The following LMLN variants were observed in gnomAD, a reference collection of about 807,000 sequenced individuals.
The protein encoded by LMLN is leishmanolysin-like peptidase.
In LMLN, 70 loss-of-function variants were observed where a neutral mutation model predicts 92.3. The ratio of observed to expected loss-of-function variants is 0.76; its 90% confidence interval spans 0.63 to 0.92. The LOEUF (loss-of-function observed/expected upper bound fraction) is 0.92, where lower values mean the gene tolerates loss of function less well. Ranked by LOEUF, LMLN falls within the 40% of genes least tolerant of loss-of-function variation. The pLI is 0.00. For missense variants in LMLN, 691 were observed against 814.6 expected (o/e 0.85, Z 1.85); for synonymous variants, 308 against 296.2 (o/e 1.04, Z -0.41).
At chr3:197,977,987 TACAC>T (rs1404396110) in intron 5 of LMLN, among the ~76,000 whole-genome samples, 8 of 149,084 alleles carry the variant, frequency 5.4e-5, no homozygotes, top group African/African-American at 1.5e-4. Flanking sequence ...AATCTGGAAG[TACAC>T]ACACGTTAAA....
intron 14 of LMLN, among the ~76,000 whole-genome samples, chr3:198,029,292 C>T (rs181694244): frequency 2.6e-5 from 4 of 152,310 alleles, no homozygotes; most frequent in Admixed American, 2.6e-4. Flanking sequence ...ATCTTACTTC[C>T]ATGACCACGT....
exon 16 of LMLN, chr3:198,041,812 A>G (rs933132148): frequency 6.6e-6 from 1 of 152,200 alleles, no homozygotes; most frequent in Non-Finnish European, 1.5e-5. Flanking sequence ...CATATATTTG[A>G]GAGTCACAGT....
chr3:198,022,453 C>T (rs977444298), intron 13 of LMLN, among the ~76,000 whole-genome samples: 1 of 152,222 alleles, frequency 6.6e-6, no homozygotes, highest in Non-Finnish European at 1.5e-5. Flanking sequence ...TACTTTATTA[C>T]AGACTAAGGC....
At chr3:197,988,194 G>C (rs1016071007) in intron 8 of LMLN, among the ~76,000 whole-genome samples, 1 of 150,820 alleles carries the variant, frequency 6.6e-6, no homozygotes. Context: ...ATATTGCCCA[G>C]GTGGGTCTCG....
chr3:197,998,379 C>G (rs150381630), intron 10 of LMLN, among the ~76,000 whole-genome samples: 1 of 152,084 alleles, frequency 6.6e-6, no homozygotes, highest in Admixed American at 6.6e-5. Context: ...TGGAAACTTA[C>G]GGAAGGGACG....
At chr3:197,968,925 T>C (rs1025196759) in intron 1 of LMLN, among the ~76,000 whole-genome samples, 3 of 152,250 alleles carry the variant, frequency 2.0e-5, no homozygotes, top group Non-Finnish European at 4.4e-5. Flanking sequence ...CAGTGTTTTA[T>C]TAAGTTATGT....
At chr3:197,987,456 G>T (rs1721746197) in intron 8 of LMLN, among the ~76,000 whole-genome samples, 1 of 152,140 alleles carries the variant, frequency 6.6e-6, no homozygotes, top group South Asian at 2.1e-4. Flanking sequence ...ACCGCGCCCG[G>T]CCAAAATTTT....
intron 1 of LMLN, among the ~76,000 whole-genome samples, chr3:197,970,132 A>G (rs1721183216): frequency 6.6e-6 from 1 of 152,156 alleles, no homozygotes; most frequent in Non-Finnish European, 1.5e-5. Flanking sequence ...AGCCTGGGCA[A>G]TAGAGAGAGA....
At chr3:198,026,384 T>C (rs1722932701) in intron 14 of LMLN, among the ~76,000 whole-genome samples, 2 of 152,192 alleles carry the variant, frequency 1.3e-5, no homozygotes, top group South Asian at 4.1e-4. Context: ...AGTGGTGCGA[T>C]CTCAGCTCTC....
intron 14 of LMLN, among the ~76,000 whole-genome samples, chr3:198,033,229 G>A (rs1018577087): frequency 5.9e-5 from 9 of 151,960 alleles, no homozygotes; most frequent in African/African-American, 1.2e-4. Context: ...ACATCTGCCC[G>A]GCAGTAGTCC....
At chr3:198,024,660 A>G in exon 14 of LMLN, 1 of 1,561,350 alleles carries the variant, frequency 6.4e-7, no homozygotes, top group South Asian at 1.2e-5. Context: ...TGCCTCAGAA[A>G]TTTTTAAGAA....
At position 197,983,366 on chromosome 3, in the gene LMLN, T is replaced by A. The variant is rs149683572; in HGVS notation, c.729-577T>A. On this transcript the variant is annotated intron_variant, in intron 6 of 15. Coordinates refer to ENST00000330198, the Ensembl canonical transcript of LMLN. ...TTGAGTCCTAGTCTGCCTTTGGACT[T>A]GCAGGTTCTAGGCACAGAGAGAGAT... Among the ~76,000 whole-genome samples, 37 of 152,290 alleles carry A rather than the reference T, an allele frequency of 2.4e-4. No homozygotes were observed. The East Asian group carries it at 6.9e-3, about 29-fold the overall frequency.
At chr3:197,981,733 A>G (rs550043746) in intron 6 of LMLN, among the ~76,000 whole-genome samples, 33 of 152,334 alleles carry the variant, frequency 2.2e-4, no homozygotes, top group African/African-American at 6.7e-4. Flanking sequence ...TAGATTGTAT[A>G]TAACATTCTC....
At chr3:198,024,841 T>C (rs1002323811) in intron 14 of LMLN, 53 bp downstream of exon 15, 41 of 1,430,336 alleles carry the variant, frequency 2.9e-5, no homozygotes, top group Admixed American at 7.1e-5. Flanking sequence ...TTTTATCTCT[T>C]TTATGGTTTT....
exon 16 of LMLN, chr3:198,041,448 A>C (rs1236953558): frequency 6.6e-6 from 1 of 152,238 alleles, no homozygotes; most frequent in East Asian, 1.9e-4. Flanking sequence ...AATTACCTTC[A>C]GGCAGTGTGT....
chr3:197,978,320 A>G (rs1721462225), intron 5 of LMLN, among the ~76,000 whole-genome samples: 1 of 152,322 alleles, frequency 6.6e-6, no homozygotes, highest in Non-Finnish European at 1.5e-5. Context: ...CTTATTGAAC[A>G]TCTATTACTT....
At chr3:197,970,575 G>T (rs1262602169) in intron 1 of LMLN, among the ~76,000 whole-genome samples, 3 of 152,156 alleles carry the variant, frequency 2.0e-5, no homozygotes, top group African/African-American at 7.2e-5. Flanking sequence ...AGAGTCCAGG[G>T]TTTTTATTGG....
chr3:197,994,232 C>T (rs1721957406), intron 9 of LMLN, among the ~76,000 whole-genome samples: 1 of 152,088 alleles, frequency 6.6e-6, no homozygotes, highest in Admixed American at 6.6e-5. Flanking sequence ...ATTGGACCCT[C>T]AAAGTGCAGG....
rs192078561 is a variant in LMLN at position 198,017,881 on chromosome 3, C to T, written c.1233-1372C>T. On this transcript the variant is annotated intron_variant, in intron 11 of 15. Transcript: ENST00000330198. ...GCAGTGAGCCGAGATCGCACTACTG[C>T]ACTCCAGCCTGGCGACAGAGCAAGA... Among the ~76,000 whole-genome samples the T allele has an allele frequency of 2.6e-4, 40 of 152,292 alleles. No individual in the cohort carries two copies. The East Asian group carries it at 7.5e-3, about 29-fold the overall frequency.
Sources: allele counts gnomAD v4.1 joint callset (sites outside exome capture counted in the v4.1 genomes callset), GRCh38; gene constraint gnomAD v4.1.1; transcripts MANE v1.5; gene names NCBI Gene and HGNC (gene_info 2026-07-23, HGNC 2026-07-21).